Variants in ERN1 observed in about 807,000 individuals in gnomAD.
ERN1 encodes the protein endoplasmic reticulum to nucleus signaling 1, also known as serine/threonine-protein kinase/endoribonuclease IRE1.
ERN1 carries 39 observed loss-of-function variants against 113.1 expected under a neutral mutation model. The observed-to-expected ratio is 0.34, with a 90% CI of 0.27 to 0.45. The LOEUF (loss-of-function observed/expected upper bound fraction) is 0.45, where lower values mean the gene tolerates loss of function less well. ERN1 is among the 20% of genes least tolerant of loss of function. The pLI, the probability that ERN1 is intolerant of heterozygous loss-of-function variation, is 1.00. For synonymous variants in ERN1, 507 were observed against 515.9 expected (o/e 0.98, Z 0.23); for missense variants, 976 against 1,274.8 (o/e 0.77, Z 3.57).
chr17:64,116,712 AC>A (rs1914814602), intron 1 of ERN1, among the ~76,000 whole-genome samples: 1 of 152,060 alleles, frequency 6.6e-6, no homozygotes, highest in Non-Finnish European at 1.5e-5. Flanking sequence ...CACAGCCATC[AC>A]AAAAATCAAA....
chr17:64,111,572 G>T (rs1435693677), intron 1 of ERN1, among the ~76,000 whole-genome samples: 3 of 152,074 alleles, frequency 2.0e-5, no homozygotes, highest in African/African-American at 7.2e-5. Context: ...AGCCAGGCTG[G>T]TCTCAAACTC....
At position 64,129,861 on chromosome 17, in the gene ERN1, TGGC is replaced by T. The variant is rs1370362897; in HGVS notation, c.54+112_54+114del. 2.9e-6 allele frequency: 3 copies of T among 1,026,944 alleles called. No homozygotes were observed. The African/African-American group carries it at 5.1e-5, about 17-fold the overall frequency. 63.6% of individuals were successfully genotyped at this position (1,026,944 alleles called of 1,614,324 possible). On this transcript the variant is annotated intron_variant, in intron 1 of 21. Coordinates refer to ENST00000433197, the MANE Select transcript of ERN1 (RefSeq NM_001433.5). Reference sequence around the variant, plus strand: ...CCCACGGCTGGGCTCACGGGGCATCTGGCCGCCGCCGTCGCGCTCCCAGCTCGG... The same window carrying T: ...CCCACGGCTGGGCTCACGGGGCATCTCGCCGCCGTCGCGCTCCCAGCTCGG...
chr17:64,095,274 C>CA (rs1914198907), intron 2 of ERN1, among the ~76,000 whole-genome samples: 1 of 152,014 alleles, frequency 6.6e-6, no homozygotes, highest in Non-Finnish European at 1.5e-5. Context: ...ACTGAAAATA[C>CA]AAAAATTAGC....
chr17:64,050,099 T>C (rs754204343), intron 17 of ERN1, among the ~76,000 whole-genome samples: 2 of 152,120 alleles, frequency 1.3e-5, no homozygotes, highest in Non-Finnish European at 2.9e-5. Flanking sequence ...GACAGAAAGG[T>C]TGCATGACAA....
chr17:64,055,019 CT>C (rs1181789147), intron 13 of ERN1, among the ~76,000 whole-genome samples, 191 bp from the exon 14 acceptor site: 1 of 152,222 alleles, frequency 6.6e-6, no homozygotes, highest in Admixed American at 6.5e-5. Context: ...CCTCTTCCCC[CT>C]GCCCCTGCAT....
At chr17:64,074,082 AG>A (rs1384199683) in intron 5 of ERN1, among the ~76,000 whole-genome samples, 3 of 152,236 alleles carry the variant, frequency 2.0e-5, no homozygotes. Context: ...CTGAAGGTAG[AG>A]GAGAACAGAG....
chr17:64,063,327 T>G lies in ERN1; in HGVS notation c.1087+659A>C, dbSNP rs1426991363. Among the ~76,000 whole-genome samples, 1 of 152,230 alleles carries G rather than the reference T, an allele frequency of 6.6e-6. No homozygotes were observed. The highest frequency in any genetic ancestry group is 2.4e-5 in the African/African-American group (1 of 41,454). On this transcript the variant is annotated intron_variant, in intron 10 of 21. Coordinates refer to ENST00000433197, the MANE Select transcript of ERN1 (RefSeq NM_001433.5). The surrounding 1 kb of genome is among the most constrained non-coding windows in gnomAD (Gnocchi z 5.1). ...AACACAGCTCTTCTCACTTCCGCCT[T>G]CGTTTGTCACACTCACTGCCAACTC...
chr17:64,056,881 T>C (rs1356181647), intron 12 of ERN1, among the ~76,000 whole-genome samples: 4 of 152,192 alleles, frequency 2.6e-5, no homozygotes, highest in Non-Finnish European at 5.9e-5. Context: ...GACGTGCCAG[T>C]GGGGAGTGCC....
intron 1 of ERN1, among the ~76,000 whole-genome samples, chr17:64,125,645 T>C (rs572681961): frequency 1.3e-5 from 2 of 152,140 alleles, no homozygotes; most frequent in Non-Finnish European, 2.9e-5. Flanking sequence ...CATGCCACCT[T>C]GCCCAGCTAA....
chr17:64,053,389 G>A lies in ERN1; in HGVS notation c.1954-18C>T, dbSNP rs373493203. On this transcript the variant is annotated intron_variant, in intron 15 of 21. Transcript: ENST00000433197. ...TCCACATACTGCAAAAGACATGACA[G>A]CAAGGTCACGGCACACAGTCCTCAG... is the stretch of plus-strand genomic sequence containing the variant. The A allele has an allele frequency of 2.9e-4, 455 of 1,567,538 alleles. No individual in the cohort carries two copies. The highest frequency in any genetic ancestry group is 3.8e-4 in the Non-Finnish European group (433 of 1,153,430).
chr17:64,103,148 T>G (rs964716640), intron 1 of ERN1, among the ~76,000 whole-genome samples: 1 of 152,126 alleles, frequency 6.6e-6, no homozygotes, highest in Admixed American at 6.5e-5. Context: ...CTCCCTCCTA[T>G]GAAAGCCAAC....
intron 1 of ERN1, among the ~76,000 whole-genome samples, chr17:64,117,301 G>C (rs552027065): frequency 1.2e-4 from 18 of 151,530 alleles, no homozygotes; most frequent in African/African-American, 4.4e-4. Context: ...AAATTAGCTG[G>C]GCGTATTGGC....
chr17:64,050,265 CCT>C (rs1912641121), intron 17 of ERN1, among the ~76,000 whole-genome samples: 2 of 152,134 alleles, frequency 1.3e-5, no homozygotes, highest in South Asian at 2.1e-4. Flanking sequence ...GGAGCTCGCC[CCT>C]GACTCCCAGA....
At chr17:64,078,777 G>A (rs1475327359) in intron 4 of ERN1, among the ~76,000 whole-genome samples, 1 of 152,136 alleles carries the variant, frequency 6.6e-6, no homozygotes, top group Non-Finnish European at 1.5e-5. Context: ...GGCTGAGGTG[G>A]GTGGATCGCT....
Position 64,054,246 on chromosome 17 carries a change from C to T in ERN1, c.1953+4G>A. 6.2e-7 allele frequency: 1 copy of T among 1,602,708 alleles called. No individual in the cohort carries two copies. Among genetic ancestry groups the T allele is most frequent in the Non-Finnish European group, 8.5e-7 (1 of 1,172,834 alleles). ...AGTTAACAAAATAAAAAAAATAAAT[C>T]CACCTCTTGCAGGGTGGCTGCACAC... On this transcript the variant is annotated splice_donor_region_variant and intron_variant, in intron 15 of 21. Transcript: ENST00000433197. This position sits in a 1 kb window ranked among gnomAD's most constrained non-coding sequence, Gnocchi z 4.9.
In ERN1 at chr17:64,072,702, C is replaced by T. The variant is rs144982163; in HGVS notation, c.356-599G>A. On this transcript the variant is annotated intron_variant, in intron 5 of 21. Coordinates refer to ENST00000433197, the MANE Select transcript of ERN1 (RefSeq NM_001433.5). The stretch of plus-strand genomic sequence containing the variant: ...ATTCCCTGGCCTCGGGCCATACCCC[C>T]TAATCTTGGTCAGCTGATTATGACA... 7.5e-4 allele frequency among the ~76,000 whole-genome samples: 115 copies of T among 152,364 alleles called. 1 individual carries two copies. The South Asian group carries it at 0.013, about 17-fold the overall frequency.
chr17:64,097,608 A>G (rs1413599406), intron 2 of ERN1, among the ~76,000 whole-genome samples: 1 of 152,216 alleles, frequency 6.6e-6, no homozygotes, highest in East Asian at 1.9e-4. Flanking sequence ...GACGCATGGT[A>G]TGTTAAGTAA....
At chr17:64,076,493 G>A (rs1297695221) in intron 4 of ERN1, among the ~76,000 whole-genome samples, 1 of 152,216 alleles carries the variant, frequency 6.6e-6, no homozygotes, top group Non-Finnish European at 1.5e-5. Flanking sequence ...GGTCTCTGCT[G>A]AGCACTGCCA....
intron 7 of ERN1, 81 bp from the exon 8 acceptor site, chr17:64,067,013 G>C: frequency 6.8e-7 from 1 of 1,474,344 alleles, no homozygotes; most frequent in Non-Finnish European, 9.4e-7. Context: ...GCAGGCTCTA[G>C]TCACTCAGTT....
Sources: gnomAD v4.1 joint callset for allele counts (sites outside exome capture counted in the v4.1 genomes callset) on GRCh38, gnomAD v4.1.1 for gene constraint, Gnocchi (gnomAD v3.1) non-coding constraint, MANE v1.5 for transcripts, NCBI Gene and HGNC (gene_info 2026-07-23, HGNC 2026-07-21) for gene names.